Variants in RSF1 observed in about 807,000 individuals in gnomAD.
RSF1 encodes HBV pX-associated protein 8.
A neutral mutation model predicts 145.2 loss-of-function variants in RSF1; 13 were observed. That is an observed-to-expected ratio of 0.09 (90% CI 0.06 to 0.14). The LOEUF (loss-of-function observed/expected upper bound fraction) is 0.14. Among genes scored for constraint, RSF1 ranks in the 10% least tolerant of loss-of-function variants. The pLI is 1.00. For missense variants in RSF1, 1,517 were observed against 1,718.2 expected, an observed-to-expected ratio of 0.88 and a Z score of 2.07; for synonymous variants, 577 against 592.6, an observed-to-expected ratio of 0.97 and a Z score of 0.38.
rs1256328331 is a variant in RSF1 at position 77,692,393 on chromosome 11, C to T, written c.2820+1114G>A. ...CCAAGTAGCTGGGACTACAGGCGCC[C>T]GCCACTACGCCCGGCTAATTTTTTG... On this transcript the variant is annotated intron_variant, in intron 8 of 15. Coordinates refer to ENST00000308488, the MANE Select transcript of RSF1 (RefSeq NM_016578.4). Among the ~76,000 whole-genome samples, 61 of 116,618 alleles carry T rather than the reference C, an allele frequency of 5.2e-4. 8 individuals are homozygous for T. Among genetic ancestry groups the T allele is most frequent in the African/African-American group, 1.8e-3 (47 of 25,746 alleles). The allele number at this position is 116,618 out of a possible 152,430, so 76.5% of individuals were successfully genotyped here.
At chr11:77,868,156 C>T in the RSF1 span, among the ~76,000 whole-genome samples, 3 of 145,372 alleles carry the variant, frequency 2.1e-5, no homozygotes, top group Admixed American at 6.9e-5. Flanking sequence ...CCCAGGTTCA[C>T]GCCATTCTCC....
chr11:77,858,592 G>A, the RSF1 span, among the ~76,000 whole-genome samples: 8 of 152,108 alleles, frequency 5.3e-5, no homozygotes, highest in East Asian at 5.8e-4. Flanking sequence ...ATTCTTAGTC[G>A]GCCTAGGAAA....
chr11:77,740,892 A>G lies in RSF1; in HGVS notation c.417T>C (p.Asn139=). 1.2e-6 allele frequency: 2 copies of G among 1,614,158 alleles called. No individual in the cohort carries two copies. Among genetic ancestry groups the G allele is most frequent in the South Asian group, 1.1e-5 (1 of 91,084 alleles). Reference sequence around the variant, plus strand: ...TATCGGCATCCTCCTCATTAATAATATTCTTGAATTTGAGATTGTCATCAA... The same window carrying G: ...TATCGGCATCCTCCTCATTAATAATGTTCTTGAATTTGAGATTGTCATCAA... The part of the protein sequence containing the change: ...CQFDDNLKFK[N]IINEEDADTM... Residue 139 remains asparagine, a synonymous_variant, in exon 4 of 16, where the codon AAT becomes AAC. Coordinates refer to ENST00000308488, the MANE Select transcript of RSF1 (RefSeq NM_016578.4).
intron 1 of RSF1, among the ~76,000 whole-genome samples, chr11:77,786,614 A>G (rs1948459184): frequency 6.6e-6 from 1 of 152,212 alleles, no homozygotes; most frequent in Non-Finnish European, 1.5e-5. Context: ...CACTCAATAT[A>G]CAGTGGGGAA....
the RSF1 span, among the ~76,000 whole-genome samples, chr11:77,844,053 T>A: frequency 1.3e-5 from 2 of 152,126 alleles, no homozygotes; most frequent in Non-Finnish European, 2.9e-5. Flanking sequence ...ATGCAGGAAT[T>A]GTGGGAGTTA....
In RSF1 at chr11:77,813,991, AG is replaced by A. The variant is rs1256718313; in HGVS notation, c.187+6536del. Among the ~76,000 whole-genome samples the A allele has an allele frequency of 2.0e-5, 3 of 152,254 alleles. No individual in the cohort carries two copies. The East Asian group carries it at 5.8e-4, about 29-fold the overall frequency. ...GGAGGTGGCTGGATCACCTGAAGCC[AG>A]GAGTTCAAGACCAGCCTGACCAACA... is the stretch of plus-strand genomic sequence containing the variant. On this transcript the variant is annotated intron_variant, in intron 1 of 15. Transcript: ENST00000308488.
At chr11:77,700,692 T>C (rs1273039294) in intron 6 of RSF1, 29 bp downstream of exon 6, 6 of 1,491,176 alleles carry the variant, frequency 4.0e-6, no homozygotes, top group Non-Finnish European at 5.4e-6. Flanking sequence ...GAGACAAATA[T>C]TTTTAATTAA....
intron 1 of RSF1, chr11:77,813,739 A>AGCAGGAGCCTGC: frequency 2.9e-6 from 1 of 341,416 alleles, no homozygotes; most frequent in Non-Finnish European, 5.8e-6. Flanking sequence ...GTGAGTAAGG[A>AGCAGGAGCCTGC]GCAGGAGCCT....
At chr11:77,811,366 A>T (rs1166228196) in intron 1 of RSF1, among the ~76,000 whole-genome samples, 1 of 152,252 alleles carries the variant, frequency 6.6e-6, no homozygotes, top group Non-Finnish European at 1.5e-5. Context: ...GTGATAAAAT[A>T]AAGTAAGAAA....
chr11:77,745,925 A>C lies in RSF1; in HGVS notation c.372+1111T>G, dbSNP rs1036158797. 2.0e-5 allele frequency among the ~76,000 whole-genome samples: 3 copies of C among 151,936 alleles called. No individual in the cohort carries two copies. The East Asian group carries it at 5.8e-4, about 29-fold the overall frequency. ...AAAAAAATTTGTAACACACCCTGAAAAGTTATATGTATTATATCCACTTTC... is the reference window on the plus strand; with the variant it reads ...AAAAAAATTTGTAACACACCCTGAACAGTTATATGTATTATATCCACTTTC... On this transcript the variant is annotated intron_variant, in intron 3 of 15. Transcript: ENST00000308488.
At chr11:77,813,820 G>GACACACACACAC (rs10688175) in intron 1 of RSF1, 220 of 169,342 alleles carry the variant, frequency 1.3e-3, no homozygotes, top group Middle Eastern at 2.7e-3. Context: ...TTTGTAAAAG[G>GACACACACACAC]ACACACACAC....
chr11:77,685,494 C>T (rs756379050), intron 9 of RSF1, among the ~76,000 whole-genome samples: 2 of 152,152 alleles, frequency 1.3e-5, no homozygotes, highest in Admixed American at 6.5e-5. Context: ...TGGGGTTTTG[C>T]CATGTTGGCC....
rs148454072 is a variant in RSF1, at chr11:77,672,092, T to C, written c.3701A>G (p.Lys1234Arg). ...DGSQKSLRRGKEIRRVHKRRL... is the reference protein window; with the variant it reads ...DGSQKSLRRGREIRRVHKRRL... ...TCGCTTGTGTACTCGCCTTATTTCT[T>C]TACCACGTCGCAAACTCTTCTGGGA... The change falls in exon 15 of 16, where the codon AAA (lysine) becomes AGA (arginine). Residue 1234 changes from lysine to arginine, a missense_variant. By Grantham distance (26) the Lys-to-Arg change is conservative. Transcript: ENST00000308488. 1 of 1,614,124 alleles carries C rather than the reference T, an allele frequency of 6.2e-7. No individual in the cohort carries two copies. The highest frequency in any genetic ancestry group is 1.7e-5 in the Admixed American group (1 of 60,014).
At chr11:77,696,554 CCCATTTTA>C (rs59314468) in intron 7 of RSF1, among the ~76,000 whole-genome samples, 27,451 of 151,954 alleles carry the variant, frequency 0.18, 3,144 homozygotes, top group African/African-American at 0.31. Context: ...TTCTGCTCAC[CCCATTTTA>C]CCATTTTATT....
At chr11:77,684,582 T>A (rs958712594) in intron 10 of RSF1, among the ~76,000 whole-genome samples, 6 of 152,226 alleles carry the variant, frequency 3.9e-5, no homozygotes, top group Non-Finnish European at 8.8e-5. Context: ...TTAGTTTAGA[T>A]GTGATATCAC....
chr11:77,822,256 A>G (rs1327555550), upstream of RSF1, among the ~76,000 whole-genome samples: 2 of 152,000 alleles, frequency 1.3e-5, no homozygotes, highest in Non-Finnish European at 2.9e-5. Context: ...CCTGGGCAAC[A>G]TGGTGAAACC....
In RSF1 at chr11:77,701,101, A is replaced by G. The variant is rs1335069656; in HGVS notation, c.2128T>C (p.Leu710=). ...GCAGTGGTTTCTTCTTCAGGAACCA[A>G]CTTATATTTGAATTTGCTTTTTTGC... The part of the protein sequence containing the change: ...SMQKSKFKYK[L]VPEEETTASE... The change falls in exon 6 of 16, where the codon TTG becomes CTG. Residue 710 remains leucine (L), a synonymous_variant. Coordinates refer to ENST00000308488, the MANE Select transcript of RSF1 (RefSeq NM_016578.4). The G allele has an allele frequency of 6.2e-7, 1 of 1,613,386 alleles. No individual in the cohort carries two copies. Among genetic ancestry groups the G allele is most frequent in the Non-Finnish European group, 8.5e-7 (1 of 1,179,936 alleles).
At chr11:77,861,011 T>A in the RSF1 span, among the ~76,000 whole-genome samples, 7 of 152,180 alleles carry the variant, frequency 4.6e-5, no homozygotes, top group Non-Finnish European at 8.8e-5. Context: ...ACAATTTTCT[T>A]GAGTCCTTGT....
chr11:77,678,920 A>C (rs1201396371), intron 11 of RSF1, among the ~76,000 whole-genome samples: 1 of 152,186 alleles, frequency 6.6e-6, no homozygotes, highest in East Asian at 1.9e-4. Context: ...GCAAGAAATA[A>C]ATTTCTGTTG....
Sources: allele counts gnomAD v4.1 joint callset (sites outside exome capture counted in the v4.1 genomes callset), GRCh38; gene constraint gnomAD v4.1.1; transcripts MANE v1.5; gene names NCBI Gene and HGNC (gene_info 2026-07-23, HGNC 2026-07-21).